COG6: variants seen among roughly 807,000 people sequenced by gnomAD.
COG6 encodes the protein conserved oligomeric Golgi complex subunit 6.
COG6 carries 74 observed loss-of-function variants against 88.8 expected under a neutral mutation model. That is an observed-to-expected ratio of 0.83 (90% CI 0.69 to 1.01). The LOEUF is 1.01. Ranked by LOEUF, COG6 falls within the 50% of genes least tolerant of loss-of-function variation. COG6 has a pLI of 0.00. For synonymous variants in COG6, 286 were observed against 278.7 expected (o/e 1.03, Z -0.26); for missense variants, 800 against 797.9 (o/e 1.00, Z -0.03).
intron 18 of COG6, among the ~76,000 whole-genome samples, chr13:39,767,020 A>G: frequency 6.6e-6 from 1 of 152,130 alleles, no homozygotes; most frequent in East Asian, 1.9e-4. Flanking sequence ...CTTGTTTTAA[A>G]GGGTGATAGG....
At chr13:39,749,452 C>A (rs1880510025) in intron 18 of COG6, among the ~76,000 whole-genome samples, 1 of 152,078 alleles carries the variant, frequency 6.6e-6, no homozygotes, top group East Asian at 1.9e-4. Flanking sequence ...GCAGTCATAT[C>A]CATTTGATGC....
At chr13:39,718,819 T>A (rs577487040) in intron 13 of COG6, among the ~76,000 whole-genome samples, 3 of 152,192 alleles carry the variant, frequency 2.0e-5, no homozygotes, top group East Asian at 3.9e-4. Context: ...TGAACTAAAA[T>A]CTCTGAAATT....
At chr13:39,725,844 T>C (rs1412110936) in intron 17 of COG6, among the ~76,000 whole-genome samples, 1 of 151,908 alleles carries the variant, frequency 6.6e-6, no homozygotes, top group East Asian at 1.9e-4. Context: ...TCCAGTACAA[T>C]TCCACTTCAA....
chr13:39,748,285 T>C (rs1007923558), intron 18 of COG6, among the ~76,000 whole-genome samples: 36 of 152,288 alleles, frequency 2.4e-4, no homozygotes, highest in African/African-American at 8.7e-4. Context: ...GTCAAGCAAA[T>C]TTAATTACAG....
chr13:39,728,385 A>G (rs1398540186), intron 18 of COG6, among the ~76,000 whole-genome samples: 1 of 152,178 alleles, frequency 6.6e-6, no homozygotes, highest in Non-Finnish European at 1.5e-5. Context: ...ATAGAACTAC[A>G]GCAGAAAATA....
Position 39,687,709 on chromosome 13 carries a change from T to C in COG6, c.919T>C (p.Tyr307His), listed in dbSNP as rs141212095. The change falls in exon 10 of 19, where the codon TAT becomes CAT. Residue 307 changes from tyrosine to histidine, a missense_variant and splice_region_variant. Coordinates refer to ENST00000455146, the MANE Select transcript of COG6 (RefSeq NM_020751.3). Reference sequence around the variant, plus strand: ...TCATTAACATTTAGTTTTCATTAGGTATGTAGGAGATATGTTGGCTTGGCT... The same window carrying C: ...TCATTAACATTTAGTTTTCATTAGGCATGTAGGAGATATGTTGGCTTGGCT... Reference protein sequence around the residue: ...IEMHSHDPLRYVGDMLAWLHQ... With the variant: ...IEMHSHDPLRHVGDMLAWLHQ... 1 of 1,613,942 alleles carries C rather than the reference T, an allele frequency of 6.2e-7. No homozygotes were observed. The highest frequency in any genetic ancestry group is 2.2e-5 in the East Asian group (1 of 44,878).
At chr13:39,676,327 C>G (rs1289560119) in intron 4 of COG6, among the ~76,000 whole-genome samples, 1 of 151,982 alleles carries the variant, frequency 6.6e-6, no homozygotes, top group Non-Finnish European at 1.5e-5. Context: ...TGAAATTGGA[C>G]TGGGCAAGAA....
intron 18 of COG6, among the ~76,000 whole-genome samples, chr13:39,743,725 AAG>A (rs759804891): frequency 2.6e-5 from 4 of 152,216 alleles, no homozygotes; most frequent in Non-Finnish European, 5.9e-5. Context: ...TCAATAGAAA[AAG>A]AGGGAATCCT....
At chr13:39,742,496 A>G (rs1437289454) in intron 18 of COG6, among the ~76,000 whole-genome samples, 1 of 152,094 alleles carries the variant, frequency 6.6e-6, no homozygotes, top group Non-Finnish European at 1.5e-5. Context: ...AAAGATCAAA[A>G]GAGACAAAGA....
At chr13:39,754,692 A>G (rs1444733084), downstream of COG6, among the ~76,000 whole-genome samples, 1 of 152,170 alleles carries the variant, frequency 6.6e-6, no homozygotes, top group African/African-American at 2.4e-5. Flanking sequence ...CATTAAACAC[A>G]TTTCTTAAGT....
At chr13:39,709,377 T>G (rs1878112729) in intron 13 of COG6, among the ~76,000 whole-genome samples, 2 of 152,126 alleles carry the variant, frequency 1.3e-5, no homozygotes, top group South Asian at 4.1e-4. Context: ...GTCTGGGCTT[T>G]TAGTGTAATC....
At chr13:39,776,913 G>A (rs749916058) in intron 18 of COG6, among the ~76,000 whole-genome samples, 3 of 152,054 alleles carry the variant, frequency 2.0e-5, no homozygotes, top group African/African-American at 4.8e-5. Context: ...TGATTTCTAC[G>A]TGTCTTTTCT....
chr13:39,772,421 T>C (rs1881344690), intron 18 of COG6, among the ~76,000 whole-genome samples: 1 of 152,224 alleles, frequency 6.6e-6, no homozygotes, highest in African/African-American at 2.4e-5. Flanking sequence ...CAAACAGACA[T>C]GATTCCTGCC....
intron 13 of COG6, among the ~76,000 whole-genome samples, chr13:39,717,316 G>A (rs1878579343): frequency 6.6e-6 from 1 of 151,768 alleles, no homozygotes; most frequent in Admixed American, 6.6e-5. Flanking sequence ...TATCTTTCTT[G>A]GGGGTCAGTT....
At chr13:39,791,424 T>C (rs550330756) in exon 19 of COG6, 1 of 152,238 alleles carries the variant, frequency 6.6e-6, no homozygotes, top group African/African-American at 2.4e-5. Context: ...ATTATGTCTA[T>C]GGGTATTTTA....
intron 18 of COG6, among the ~76,000 whole-genome samples, chr13:39,782,547 C>G (rs1881661924): frequency 6.6e-6 from 1 of 152,132 alleles, no homozygotes; most frequent in South Asian, 2.1e-4. Context: ...AAGAAGTGCA[C>G]CAGAAATGGG....
intron 13 of COG6, among the ~76,000 whole-genome samples, chr13:39,702,370 G>A (rs924345937): frequency 6.6e-6 from 1 of 151,804 alleles, no homozygotes; most frequent in East Asian, 1.9e-4. Flanking sequence ...CCATAGATTA[G>A]TCACTTTTTA....
chr13:39,686,989 A>G (rs546979701), intron 8 of COG6, among the ~76,000 whole-genome samples: 5 of 152,010 alleles, frequency 3.3e-5, no homozygotes, highest in Admixed American at 3.3e-4. Flanking sequence ...TCGGCCTCCT[A>G]AAGTGCTAGG....
downstream of COG6, chr13:39,752,756 G>A: frequency 2.5e-6 from 2 of 800,020 alleles, no homozygotes; most frequent in Non-Finnish European, 3.2e-6. Flanking sequence ...AAGACTCACA[G>A]GAAAAATGTG....
Sources: gnomAD v4.1 joint callset for allele counts (sites outside exome capture counted in the v4.1 genomes callset) on GRCh38, gnomAD v4.1.1 for gene constraint, MANE v1.5 for transcripts, NCBI Gene and HGNC (gene_info 2026-07-23, HGNC 2026-07-21) for gene names.